The following DOCK4 variants were observed in gnomAD, a reference collection of about 807,000 sequenced individuals.
DOCK4 encodes dedicator of cytokinesis 4.
DOCK4 carries 97 observed loss-of-function variants against 268.1 expected under a neutral mutation model. The observed-to-expected ratio is 0.36, with a 90% CI of 0.31 to 0.43. DOCK4 has a LOEUF of 0.43. DOCK4 is among the 20% of genes least tolerant of loss of function. The probability of loss-of-function intolerance (pLI) is 1.00; values close to 1 mark genes in which losing one functional copy is unlikely to be tolerated. For synonymous variants in DOCK4, 954 were observed against 887.2 expected, an observed-to-expected ratio of 1.08 and a Z score of -1.34; for missense variants, 2,145 against 2,455.7, an observed-to-expected ratio of 0.87 and a Z score of 2.67.
intron 1 of DOCK4, among the ~76,000 whole-genome samples, chr7:112,013,101 C>G (rs1336320670): frequency 6.6e-6 from 1 of 152,210 alleles, no homozygotes; most frequent in Non-Finnish European, 1.5e-5. Flanking sequence ...AACGTTCTCT[C>G]CAGCATAATA....
At position 112,087,220 on chromosome 7, in the gene DOCK4, T is replaced by C. The variant is rs1180567286; in HGVS notation, c.38-83089A>G. ...AATTAATTCAATCAGGACAGACTTA[T>C]GTATTAACTGTACACTTTCTTGACA... On this transcript the variant is annotated intron_variant, in intron 1 of 52. Transcript: ENST00000428084. Among the ~76,000 whole-genome samples, 5 of 152,120 alleles carry C rather than the reference T, an allele frequency of 3.3e-5. No individual in the cohort carries two copies. The East Asian group carries it at 9.6e-4, about 29-fold the overall frequency.
At chr7:111,948,898 A>T (rs1795834568) in intron 8 of DOCK4, among the ~76,000 whole-genome samples, 1 of 151,884 alleles carries the variant, frequency 6.6e-6, no homozygotes, top group East Asian at 1.9e-4. Flanking sequence ...TTCTTTAACG[A>T]AACATGCTTA....
In DOCK4 at chr7:111,940,160, A is replaced by T; in HGVS notation, c.927T>A (p.Ala309=). ...CCTTTGTCTCTCCTGTTAGCAGGTC[A>T]GCGATGCTAAGAACTGCACAGCCAA... ...RPFGCAVLSI[A]DLLTGETKDD... The change falls in exon 11 of 53, where the codon GCT becomes GCA. Residue 309 remains alanine (A), a synonymous_variant. Coordinates refer to ENST00000428084, the MANE Select transcript of DOCK4 (RefSeq NM_001363540.2). The T allele has an allele frequency of 6.2e-7, 1 of 1,614,048 alleles. No individual in the cohort carries two copies. Among genetic ancestry groups the T allele is most frequent in the South Asian group, 1.1e-5 (1 of 91,090 alleles).
chr7:112,151,191 A>C (rs1254141426), intron 1 of DOCK4, among the ~76,000 whole-genome samples: 1 of 152,138 alleles, frequency 6.6e-6, no homozygotes, highest in African/African-American at 2.4e-5. Context: ...AGGGCAATTT[A>C]GTGGTTAACG....
At chr7:112,189,578 C>A (rs1370453207) in intron 1 of DOCK4, among the ~76,000 whole-genome samples, 1 of 152,094 alleles carries the variant, frequency 6.6e-6, no homozygotes, top group Non-Finnish European at 1.5e-5. Context: ...ATAACATGTA[C>A]ATTTTCACTA....
intron 12 of DOCK4, among the ~76,000 whole-genome samples, chr7:111,925,445 A>G (rs1436555330): frequency 6.6e-6 from 1 of 152,216 alleles, no homozygotes; most frequent in East Asian, 1.9e-4. Flanking sequence ...GTATTAAGTG[A>G]GACAATACTA....
intron 1 of DOCK4, among the ~76,000 whole-genome samples, chr7:112,077,273 C>T (rs143246780): frequency 8.0e-4 from 122 of 152,176 alleles, no homozygotes; most frequent in African/African-American, 2.7e-3. Flanking sequence ...GTTAGCCCAA[C>T]ATCATACTAG....
chr7:112,175,686 TAAG>T lies in DOCK4; in HGVS notation c.37+30413_37+30415del, dbSNP rs746984042. On this transcript the variant is annotated intron_variant, in intron 1 of 52. Coordinates refer to ENST00000428084, the MANE Select transcript of DOCK4 (RefSeq NM_001363540.2). ...AGTATTACATCTTTATAAATGATTA[TAAG>T]AATAAAAATGTTTTTAAAATTTATC... 6.8e-4 allele frequency among the ~76,000 whole-genome samples: 104 copies of T among 152,340 alleles called. No homozygotes were observed. The East Asian group carries it at 0.01, about 15-fold the overall frequency.
At chr7:112,195,033 C>T (rs1032686158) in intron 1 of DOCK4, among the ~76,000 whole-genome samples, 2 of 152,128 alleles carry the variant, frequency 1.3e-5, no homozygotes, top group Non-Finnish European at 2.9e-5. Flanking sequence ...AATTCCATCC[C>T]TTTGGGAGGC....
intron 1 of DOCK4, among the ~76,000 whole-genome samples, chr7:112,159,847 ATATATACATAATG>A (rs1200561901): frequency 2.7e-5 from 4 of 148,608 alleles, no homozygotes; most frequent in East Asian, 3.9e-4. Context: ...TATACATAAT[ATATATACATAATG>A]TATATACATA....
At chr7:112,196,691 G>A (rs1011293381) in intron 1 of DOCK4, among the ~76,000 whole-genome samples, 28 of 152,154 alleles carry the variant, frequency 1.8e-4, no homozygotes, top group Admixed American at 1.3e-4. Context: ...TCCAGTCATT[G>A]AGGCCTCTCT....
chr7:112,062,182 T>C (rs1247208147), intron 1 of DOCK4, among the ~76,000 whole-genome samples: 2 of 152,196 alleles, frequency 1.3e-5, no homozygotes, highest in Non-Finnish European at 2.9e-5. Context: ...AGATATAGGA[T>C]GTCCTAATAA....
chr7:112,104,996 T>A (rs1811009133), intron 1 of DOCK4, among the ~76,000 whole-genome samples: 2 of 152,180 alleles, frequency 1.3e-5, no homozygotes, highest in Non-Finnish European at 2.9e-5. Flanking sequence ...TCATTTTAGG[T>A]TATCCTCTAA....
chr7:111,734,523 C>A (rs781085248), intron 51 of DOCK4, among the ~76,000 whole-genome samples: 1 of 152,294 alleles, frequency 6.6e-6, no homozygotes, highest in Middle Eastern at 3.4e-3. Flanking sequence ...TGAGGGGATG[C>A]GGTACCCTGA....
At chr7:111,891,983 C>G (rs1808323567) in intron 16 of DOCK4, among the ~76,000 whole-genome samples, 1 of 152,118 alleles carries the variant, frequency 6.6e-6, no homozygotes, top group Non-Finnish European at 1.5e-5. Context: ...TAAAGCAACT[C>G]TTTACAAGCT....
intron 1 of DOCK4, among the ~76,000 whole-genome samples, chr7:112,121,848 G>T (rs1812759412): frequency 6.6e-6 from 1 of 151,968 alleles, no homozygotes; most frequent in African/African-American, 2.4e-5. Context: ...TGACCTTCCT[G>T]GTGCAAAATT....
At position 112,128,919 on chromosome 7, in the gene DOCK4, T is replaced by TA. The variant is rs1047059583; in HGVS notation, c.37+77182dup. 1.8e-3 allele frequency among the ~76,000 whole-genome samples: 279 copies of TA among 151,964 alleles called. 1 individual carries two copies. The highest frequency in any genetic ancestry group is 6.6e-3 in the African/African-American group (272 of 41,412). ...CACCCAAGAATGATCAATAAAAAAT[T>TA]AAAAAAAACTGATCCCTCTCATATA... On this transcript the variant is annotated intron_variant, in intron 1 of 52. Transcript: ENST00000428084.
Position 111,744,011 on chromosome 7 carries a change from G to T in DOCK4, c.4678-1879C>A, listed in dbSNP as rs369925286. 2.0e-4 allele frequency among the ~76,000 whole-genome samples: 30 copies of T among 152,278 alleles called. 1 individual carries two copies. Among genetic ancestry groups the T allele is most frequent in the East Asian group, 5.8e-4 (3 of 5,172 alleles). ...GTTTTTAGGTTTTTGTAGAGATGGG[G>T]TCTTGCTATGTTGCCCAGGCTAGTC... On this transcript the variant is annotated intron_variant, in intron 44 of 52. Transcript: ENST00000428084.
intron 12 of DOCK4, among the ~76,000 whole-genome samples, chr7:111,917,049 G>A (rs923184382): frequency 2.1e-5 from 3 of 144,004 alleles, no homozygotes; most frequent in Admixed American, 1.4e-4. Context: ...GTACAGTGGC[G>A]CGATCTTGGC....
Sources: allele counts gnomAD v4.1 joint callset (sites outside exome capture counted in the v4.1 genomes callset), GRCh38; gene constraint gnomAD v4.1.1; transcripts MANE v1.5; gene names NCBI Gene and HGNC (gene_info 2026-07-23, HGNC 2026-07-21).